RNF145: variants seen among roughly 807,000 people sequenced by gnomAD.
RNF145 encodes ring finger protein 145.
In RNF145, 12 loss-of-function variants were observed where a neutral mutation model predicts 57.3. The ratio of observed to expected loss-of-function variants is 0.21; its 90% CI spans 0.13 to 0.34. The LOEUF (loss-of-function observed/expected upper bound fraction) is 0.34. Among genes scored for constraint, RNF145 ranks in the 10% least tolerant of loss-of-function variants. The pLI is 1.00. For missense variants in RNF145, 429 were observed against 799.0 expected (o/e 0.54, Z 5.58); for synonymous variants, 262 against 288.3 (o/e 0.91, Z 0.92).
rs1562041428 is a variant in RNF145 at position 159,157,731 on chromosome 5, T to A, written c.*939A>T. ...AAGTGGCATTTGCAGAGTGTGATCA[T>A]ACAGTTATGTACTCATTCCCAAAGT... is the stretch of plus-strand genomic sequence containing the variant. On this transcript the variant is annotated 3_prime_UTR_variant, in exon 11 of 11. Transcript: ENST00000424310. The A allele has an allele frequency of 6.5e-6, 1 of 152,794 alleles. No individual in the cohort carries two copies. The highest frequency in any genetic ancestry group is 1.9e-4 in the East Asian group (1 of 5,336). 9.5% of individuals were successfully genotyped at this position (152,794 alleles called of 1,614,324 possible). A position where few individuals can be genotyped will look rare whatever the true frequency, so the allele number is the denominator to read the frequency against.
rs527253068 is a variant in RNF145 at position 159,177,678 on chromosome 5, T to C, written c.386-811A>G. Among the ~76,000 whole-genome samples the C allele has an allele frequency of 2.6e-3, 390 of 152,146 alleles. 1 individual carries two copies. The highest frequency in any genetic ancestry group is 8.8e-3 in the African/African-American group (364 of 41,564). On this transcript the variant is annotated intron_variant, in intron 4 of 10. Coordinates refer to ENST00000424310, the MANE Select transcript of RNF145 (RefSeq NM_001199383.2). The stretch of plus-strand genomic sequence containing the variant: ...CCTAATATTCTCTTAGGCTAGGAAT[T>C]ACTGAATCAGAAAAAAACATTTTTA...
At chr5:159,185,437 T>G (rs1430691514) in intron 3 of RNF145, among the ~76,000 whole-genome samples, 1 of 152,236 alleles carries the variant, frequency 6.6e-6, no homozygotes, top group Non-Finnish European at 1.5e-5. Context: ...ATCTTACTTA[T>G]GCACAAATTC....
chr5:159,181,900 T>C, intron 4 of RNF145, 60 bp downstream of exon 4: 2 of 983,832 alleles, frequency 2.0e-6, no homozygotes, highest in East Asian at 4.8e-5. Flanking sequence ...TGCATGAATT[T>C]TATAAGTTAG....
chr5:159,189,805 C>T (rs1038372738), intron 3 of RNF145, among the ~76,000 whole-genome samples: 1 of 152,180 alleles, frequency 6.6e-6, no homozygotes, highest in Non-Finnish European at 1.5e-5. Flanking sequence ...ATGCATGAAT[C>T]TTGAAAACAT....
At chr5:159,174,766 T>A (rs1584677090) in intron 5 of RNF145, among the ~76,000 whole-genome samples, 1 of 151,442 alleles carries the variant, frequency 6.6e-6, no homozygotes, top group East Asian at 1.9e-4. Context: ...TAAGTAACAC[T>A]AGGAAAAGGA....
chr5:159,195,627 C>G (rs772210662), intron 2 of RNF145, among the ~76,000 whole-genome samples: 3 of 152,136 alleles, frequency 2.0e-5, no homozygotes, highest in Non-Finnish European at 2.9e-5. Flanking sequence ...TATGGATTTC[C>G]TCTTACCCTC....
At chr5:159,162,371 C>T (rs1784245251) in intron 9 of RNF145, among the ~76,000 whole-genome samples, 1 of 150,958 alleles carries the variant, frequency 6.6e-6, no homozygotes, top group Admixed American at 6.6e-5. Flanking sequence ...AACTGAAAGG[C>T]TTAATTACCT....
At position 159,194,803 on chromosome 5, in the gene RNF145, A is replaced by G; in HGVS notation, c.206T>C (p.Leu69Pro). Residue 69 changes from leucine to proline, a missense_variant, in exon 3 of 11, where the codon CTG (leucine) becomes CCG (proline). Leu to Pro is a moderately conservative substitution (Grantham distance 98, BLOSUM62 -3). Coordinates refer to ENST00000424310, the MANE Select transcript of RNF145 (RefSeq NM_001199383.2). The stretch of plus-strand genomic sequence containing the variant: ...CAGATGCTGCCTGGGCAATGTTAGC[A>G]GCACCACACTTAAGATATAACCTGT... Reference protein sequence around the residue: ...HYVGYILSVVLLTLPRQHLVQ... With the variant: ...HYVGYILSVVPLTLPRQHLVQ... The G allele has an allele frequency of 6.2e-7, 1 of 1,611,980 alleles. No homozygotes were observed. The highest frequency in any genetic ancestry group is 8.5e-7 in the Non-Finnish European group (1 of 1,178,242).
At chr5:159,204,382 G>C (rs1274019538) in intron 1 of RNF145, among the ~76,000 whole-genome samples, 1 of 146,340 alleles carries the variant, frequency 6.8e-6, no homozygotes, top group African/African-American at 2.5e-5. Flanking sequence ...ACCATGATAA[G>C]TAGTGGGGGG....
chr5:159,199,491 A>G (rs1463655785), intron 2 of RNF145, among the ~76,000 whole-genome samples: 1 of 152,132 alleles, frequency 6.6e-6, no homozygotes, highest in Admixed American at 6.5e-5. Context: ...TGAATTTTAC[A>G]TTTTAAGTCA....
chr5:159,159,177 T>C (rs1203165080), intron 10 of RNF145, 142 bp from the exon 11 acceptor site: 5 of 710,334 alleles, frequency 7.0e-6, no homozygotes, highest in Admixed American at 5.7e-5. Context: ...TTACTTTATA[T>C]ATCAGTAATA....
chr5:159,172,687 T>C (rs1023768582), intron 6 of RNF145, among the ~76,000 whole-genome samples: 1 of 152,210 alleles, frequency 6.6e-6, no homozygotes, highest in African/African-American at 2.4e-5. Context: ...ATCCCACTTA[T>C]TTCTTAAAAC....
chr5:159,173,902 A>G, intron 6 of RNF145, 81 bp downstream of exon 6: 1 of 964,706 alleles, frequency 1.0e-6, no homozygotes. Context: ...CGATAAAAGT[A>G]ATCTGCAAAA....
intron 3 of RNF145, among the ~76,000 whole-genome samples, chr5:159,189,629 C>G (rs1001437588): frequency 6.6e-6 from 1 of 152,240 alleles, no homozygotes; most frequent in Admixed American, 6.5e-5. Flanking sequence ...TTTGTCTACA[C>G]AAAACCTGTA....
At chr5:159,170,263 T>C (rs574784065) in intron 6 of RNF145, among the ~76,000 whole-genome samples, 5 of 152,342 alleles carry the variant, frequency 3.3e-5, no homozygotes, top group Admixed American at 3.3e-4. Context: ...CAAACTGCTA[T>C]GGAGCAGGGT....
At chr5:159,207,029 C>G (rs956140812) in intron 1 of RNF145, among the ~76,000 whole-genome samples, 11 of 151,340 alleles carry the variant, frequency 7.3e-5, no homozygotes, top group Admixed American at 6.6e-5. Context: ...AAAAAGGAGA[C>G]CTCAATGAGT....
chr5:159,168,143 T>C (rs1487351635), intron 8 of RNF145, among the ~76,000 whole-genome samples: 6 of 152,162 alleles, frequency 3.9e-5, no homozygotes, highest in Admixed American at 1.3e-4. Flanking sequence ...TTGGCTTTTA[T>C]CCCTCACAAA....
intron 1 of RNF145, among the ~76,000 whole-genome samples, chr5:159,208,955 G>A (rs1055408432): frequency 2.0e-5 from 3 of 151,716 alleles, no homozygotes; most frequent in African/African-American, 7.3e-5. Flanking sequence ...GAACAGAGGG[G>A]GCTTTGCGCG....
At chr5:159,188,283 AGGC>A (rs1178130226) in intron 3 of RNF145, among the ~76,000 whole-genome samples, 1 of 151,978 alleles carries the variant, frequency 6.6e-6, no homozygotes, top group African/African-American at 2.4e-5. Context: ...GCTACTCGGG[AGGC>A]TGAGGCAGGA....
Sources: allele counts gnomAD v4.1 joint callset (sites outside exome capture counted in the v4.1 genomes callset), GRCh38; gene constraint gnomAD v4.1.1; transcripts MANE v1.5; gene names NCBI Gene and HGNC (gene_info 2026-07-23, HGNC 2026-07-21).